The following CTNND2 variants were observed in gnomAD, a reference collection of about 807,000 sequenced individuals.
CTNND2 encodes catenin delta 2.
In CTNND2, 22 loss-of-function variants were observed where a neutral mutation model predicts 144.4. That is an observed-to-expected ratio of 0.15 (90% CI 0.11 to 0.22). The LOEUF is 0.22. Ranked by LOEUF, CTNND2 falls within the 10% of genes least tolerant of loss-of-function variation. CTNND2 has a pLI of 1.00. For synonymous variants in CTNND2, 751 were observed against 695.6 expected (o/e 1.08, Z -1.25); for missense variants, 1,353 against 1,618.8 (o/e 0.84, Z 2.82).
At chr5:11,789,962 C>A (rs572859268) in intron 1 of CTNND2, among the ~76,000 whole-genome samples, 4 of 152,254 alleles carry the variant, frequency 2.6e-5, no homozygotes, top group African/African-American at 9.6e-5. Flanking sequence ...GCTGAGATGA[C>A]CAGAAAGCCT....
intron 16 of CTNND2, among the ~76,000 whole-genome samples, chr5:11,024,567 T>C (rs1371370135): frequency 6.6e-6 from 1 of 152,146 alleles, no homozygotes; most frequent in Non-Finnish European, 1.5e-5. Flanking sequence ...TTTTTCCTTT[T>C]TCTTATAAGG....
intron 2 of CTNND2, among the ~76,000 whole-genome samples, chr5:11,636,183 G>A (rs34826924): frequency 0.073 from 11,044 of 152,058 alleles, 551 homozygotes; most frequent in Non-Finnish European, 0.11. Context: ...TACTTCTAAT[G>A]AGCATTAAAC....
chr5:11,611,785 A>G (rs186123622), intron 2 of CTNND2, among the ~76,000 whole-genome samples: 1 of 152,302 alleles, frequency 6.6e-6, no homozygotes, highest in East Asian at 1.9e-4. Context: ...CTCCATCTCA[A>G]AAAAATAAAA....
intron 3 of CTNND2, among the ~76,000 whole-genome samples, chr5:11,449,350 TTCAACA>T (rs1028386393): frequency 7.9e-5 from 12 of 152,342 alleles, no homozygotes; most frequent in Non-Finnish European, 1.5e-4. Flanking sequence ...CATGGTAGAA[TTCAACA>T]TCGTTAGGCT....
chr5:11,144,280 G>A (rs1206134380), intron 12 of CTNND2, among the ~76,000 whole-genome samples: 1 of 152,164 alleles, frequency 6.6e-6, no homozygotes, highest in Non-Finnish European at 1.5e-5. Flanking sequence ...TCCTAAACTT[G>A]GGAGAAGAAA....
chr5:11,063,139 T>A (rs751609907), intron 16 of CTNND2, among the ~76,000 whole-genome samples: 2 of 152,164 alleles, frequency 1.3e-5, no homozygotes, highest in Admixed American at 6.6e-5. Context: ...GTAGCATTAC[T>A]ATAAGGAAAG....
chr5:11,529,500 C>T (rs545390982), intron 3 of CTNND2, among the ~76,000 whole-genome samples: 31 of 152,290 alleles, frequency 2.0e-4, no homozygotes, highest in African/African-American at 7.2e-4. Context: ...TCTGCCTTGG[C>T]ACTCAAGAAA....
rs1374903485 is a variant in CTNND2 at position 11,094,402 on chromosome 5, CTG to C, written c.2637+4171_2637+4172del. Reference sequence around the variant, plus strand: ...CTTATATTCAGTTTTCCTAACTCCTCTGTCTTTTCTCTTTGCCACCACAGTAT... The same window carrying C: ...CTTATATTCAGTTTTCCTAACTCCTCTCTTTTCTCTTTGCCACCACAGTAT... On this transcript the variant is annotated intron_variant, in intron 15 of 21. Transcript: ENST00000304623. Among the ~76,000 whole-genome samples the C allele has an allele frequency of 4.0e-5, 6 of 151,864 alleles. No homozygotes were observed. In the East Asian group the frequency reaches 1.2e-3, roughly 29 times the overall value.
chr5:10,990,451 G>GC (rs1738545318), intron 19 of CTNND2, among the ~76,000 whole-genome samples: 1 of 152,106 alleles, frequency 6.6e-6, no homozygotes, highest in Non-Finnish European at 1.5e-5. Flanking sequence ...TCCACCTGCT[G>GC]CCCCCTTCTC....
intron 12 of CTNND2, among the ~76,000 whole-genome samples, chr5:11,150,325 C>G (rs1757628661): frequency 6.6e-6 from 1 of 152,206 alleles, no homozygotes; most frequent in Non-Finnish European, 1.5e-5. Flanking sequence ...GACTTCTCTA[C>G]TGGCCCGCAC....
chr5:11,224,383 T>C (rs1390214930), intron 10 of CTNND2, among the ~76,000 whole-genome samples: 3 of 152,154 alleles, frequency 2.0e-5, no homozygotes, highest in East Asian at 1.9e-4. Flanking sequence ...TTCACAAAGG[T>C]TGTAGACCCT....
chr5:11,082,959 C>A (rs1749748236), intron 15 of CTNND2, 113 bp from the exon 16 acceptor site: 5 of 1,190,468 alleles, frequency 4.2e-6, no homozygotes, highest in African/African-American at 1.5e-5. Flanking sequence ...GTTGAATTAC[C>A]AAGACCTAGT....
intron 2 of CTNND2, among the ~76,000 whole-genome samples, chr5:11,589,400 G>A (rs572055807): frequency 2.4e-4 from 37 of 152,028 alleles, no homozygotes; most frequent in Non-Finnish European, 4.7e-4. Context: ...AAAAGCAAGA[G>A]GCAGATTCAA....
chr5:11,618,964 TG>T (rs1305058039), intron 2 of CTNND2, among the ~76,000 whole-genome samples: 16 of 152,200 alleles, frequency 1.1e-4, no homozygotes, highest in African/African-American at 3.9e-4. Flanking sequence ...TATGCAACTT[TG>T]GAACTTGTGT....
rs142045069 is a variant in CTNND2, at chr5:11,059,754, T to C, written c.2788+22942A>G. Among the ~76,000 whole-genome samples, 506 of 152,236 alleles carry C rather than the reference T, an allele frequency of 3.3e-3. 2 individuals carry two copies. Among genetic ancestry groups the C allele is most frequent in the Admixed American group, 0.01 (160 of 15,296 alleles). ...AACTCCTGTGGCATACAGAGCTACA[T>C]ATAAGATTAAAAAATCATTCACCTA... On this transcript the variant is annotated intron_variant, in intron 16 of 21. Coordinates refer to ENST00000304623, the MANE Select transcript of CTNND2 (RefSeq NM_001332.4).
In CTNND2 at chr5:11,600,705, CAA is replaced by C. The variant is rs755277116; in HGVS notation, c.175-35651_175-35650del. Reference sequence around the variant, plus strand: ...TGGGCAACAGAGCAAGATTCTGTCTCAAAAAAAAAAAAAAAAAAAAAATGAAG... The same window carrying C: ...TGGGCAACAGAGCAAGATTCTGTCTCAAAAAAAAAAAAAAAAAAAATGAAG... On this transcript the variant is annotated intron_variant, in intron 2 of 21. Transcript: ENST00000304623. Among the ~76,000 whole-genome samples the C allele has an allele frequency of 2.1e-4, 17 of 80,576 alleles. No homozygotes were observed. In the East Asian group the frequency reaches 3.0e-3, roughly 14 times the overall value. The allele number at this position is 80,576 out of a possible 152,430, so 52.9% of individuals were successfully genotyped here.
At chr5:11,451,200 T>A (rs1188318260) in intron 3 of CTNND2, among the ~76,000 whole-genome samples, 1 of 152,112 alleles carries the variant, frequency 6.6e-6, no homozygotes, top group Admixed American at 6.5e-5. Context: ...GTGTATGTGG[T>A]ATCTGTCCCG....
intron 2 of CTNND2, among the ~76,000 whole-genome samples, chr5:11,723,572 C>T (rs918572420): frequency 2.0e-5 from 3 of 152,106 alleles, no homozygotes; most frequent in Admixed American, 6.6e-5. Context: ...AATTAAGCAA[C>T]GCATTTACTT....
intron 9 of CTNND2, 28 bp from the exon 10 acceptor site, chr5:11,236,851 A>G: frequency 1.2e-6 from 2 of 1,613,526 alleles, no homozygotes; most frequent in Non-Finnish European, 1.7e-6. Flanking sequence ...AGCGGGGAGA[A>G]TATGAGAGAG....
Sources: gnomAD v4.1 joint callset for allele counts (sites outside exome capture counted in the v4.1 genomes callset) on GRCh38, gnomAD v4.1.1 for gene constraint, MANE v1.5 for transcripts, NCBI Gene and HGNC (gene_info 2026-07-23, HGNC 2026-07-21) for gene names.